The following GALNT13 variants were observed in gnomAD, a reference collection of about 807,000 sequenced individuals.
GALNT13 encodes the protein polypeptide N-acetylgalactosaminyltransferase 13, also known as UDP-GalNAc:polypeptide N-acetylgalactosaminyltransferase 13.
In GALNT13, 28 loss-of-function variants were observed where a neutral mutation model predicts 64.2. The observed-to-expected ratio is 0.44, with a 90% CI of 0.32 to 0.60. The LOEUF (loss-of-function observed/expected upper bound fraction) is 0.60. Among genes scored for constraint, GALNT13 ranks in the 20% least tolerant of loss-of-function variants. GALNT13 has a pLI of 0.05. For missense variants in GALNT13, 577 were observed against 669.8 expected, an observed-to-expected ratio of 0.86 and a Z score of 1.53; for synonymous variants, 214 against 224.6, an observed-to-expected ratio of 0.95 and a Z score of 0.42.
chr2:153,356,059 C>G, the GALNT13 span, among the ~76,000 whole-genome samples: 4 of 152,068 alleles, frequency 2.6e-5, no homozygotes, highest in Admixed American at 6.6e-5. Context: ...CAAATTAATT[C>G]ATGTTTGTTG....
intron 4 of GALNT13, among the ~76,000 whole-genome samples, chr2:154,152,885 T>C (rs945455994): frequency 6.6e-6 from 1 of 152,208 alleles, no homozygotes; most frequent in Non-Finnish European, 1.5e-5. Flanking sequence ...AATTTCCTCC[T>C]GTAGGTTGGA....
intron 3 of GALNT13, among the ~76,000 whole-genome samples, chr2:154,044,974 A>T (rs1574402375): frequency 6.6e-6 from 1 of 152,056 alleles, no homozygotes; most frequent in Non-Finnish European, 1.5e-5. Context: ...GCCTAGGAGG[A>T]TGAGGTGTGT....
intron 3 of GALNT13, among the ~76,000 whole-genome samples, chr2:154,026,191 C>A (rs139703103): frequency 6.6e-6 from 1 of 152,082 alleles, no homozygotes; most frequent in African/African-American, 2.4e-5. Context: ...GAAATGAGAT[C>A]TAATATTACA....
intron 3 of GALNT13, among the ~76,000 whole-genome samples, chr2:154,057,116 G>A (rs1256456613): frequency 1.3e-5 from 2 of 151,934 alleles, no homozygotes; most frequent in African/African-American, 4.8e-5. Flanking sequence ...TGCAACTTCC[G>A]TCTCCTGGGT....
the GALNT13 span, among the ~76,000 whole-genome samples, chr2:153,776,897 C>T: frequency 6.6e-6 from 1 of 152,136 alleles, no homozygotes; most frequent in African/African-American, 2.4e-5. Flanking sequence ...TGCTTTTAGC[C>T]TGTCAACATG....
At chr2:153,429,227 T>G in the GALNT13 span, among the ~76,000 whole-genome samples, 1 of 152,274 alleles carries the variant, frequency 6.6e-6, no homozygotes, top group Admixed American at 6.5e-5. Flanking sequence ...TGAAGAAGAC[T>G]CAGTCAAAAT....
intron 3 of GALNT13, among the ~76,000 whole-genome samples, chr2:154,033,774 C>T (rs2105311830): frequency 6.6e-6 from 1 of 152,132 alleles, no homozygotes; most frequent in East Asian, 1.9e-4. Context: ...CCCATCTCTA[C>T]TAAAAATACA....
the GALNT13 span, among the ~76,000 whole-genome samples, chr2:153,413,604 C>T: frequency 1.3e-5 from 2 of 152,040 alleles, no homozygotes; most frequent in African/African-American, 2.4e-5. Context: ...ATATAACTGC[C>T]GTTGTTCTAT....
intron 9 of GALNT13, among the ~76,000 whole-genome samples, chr2:154,392,090 G>C (rs1698821514): frequency 6.6e-6 from 1 of 152,154 alleles, no homozygotes; most frequent in East Asian, 1.9e-4. Context: ...GATGTTTGAA[G>C]AAATGTAAAG....
chr2:154,045,504 T>C (rs952519185), intron 3 of GALNT13, among the ~76,000 whole-genome samples: 15 of 152,208 alleles, frequency 9.9e-5, no homozygotes, highest in Non-Finnish European at 4.4e-5. Context: ...TACTCCTTTG[T>C]GACCCTTGCT....
At chr2:154,222,823 G>A (rs1040272249) in intron 4 of GALNT13, among the ~76,000 whole-genome samples, 7 of 152,168 alleles carry the variant, frequency 4.6e-5, no homozygotes, top group Admixed American at 4.6e-4. Context: ...CGAAAGAGAA[G>A]CATCATTGAA....
At chr2:153,778,363 T>C in the GALNT13 span, among the ~76,000 whole-genome samples, 1 of 152,206 alleles carries the variant, frequency 6.6e-6, no homozygotes, top group African/African-American at 2.4e-5. Flanking sequence ...CCTAGGTTTG[T>C]AGGCACAGGC....
At chr2:153,182,782 G>A in the GALNT13 span, among the ~76,000 whole-genome samples, 3 of 152,156 alleles carry the variant, frequency 2.0e-5, no homozygotes, top group African/African-American at 7.2e-5. Context: ...TCCCTGCAAA[G>A]AACATGATCT....
At chr2:153,828,966 A>C in the GALNT13 span, among the ~76,000 whole-genome samples, 1 of 152,188 alleles carries the variant, frequency 6.6e-6, no homozygotes, top group Non-Finnish European at 1.5e-5. Context: ...CCAAAATGCC[A>C]CCAGTCTCTT....
the GALNT13 span, among the ~76,000 whole-genome samples, chr2:153,836,344 C>A: frequency 6.6e-6 from 1 of 151,984 alleles, no homozygotes; most frequent in Admixed American, 6.6e-5. Context: ...GCGGTTAGAA[C>A]ACTTAAAATC....
At chr2:153,583,538 A>G in the GALNT13 span, among the ~76,000 whole-genome samples, 4 of 152,206 alleles carry the variant, frequency 2.6e-5, no homozygotes, top group African/African-American at 9.6e-5. Flanking sequence ...TGAATTCCCA[A>G]TATGGGAGAG....
chr2:153,232,246 G>A, the GALNT13 span, among the ~76,000 whole-genome samples: 1 of 152,122 alleles, frequency 6.6e-6, no homozygotes, highest in Admixed American at 6.6e-5. Flanking sequence ...TGGGTTGCAA[G>A]GTCAGGAAAC....
At chr2:154,291,265 A>G (rs1001113838) in intron 8 of GALNT13, among the ~76,000 whole-genome samples, 7 of 152,076 alleles carry the variant, frequency 4.6e-5, no homozygotes, top group African/African-American at 1.4e-4. Flanking sequence ...TACTTTAGCT[A>G]GACACAAAAT....
At chr2:153,102,281 C>T in the GALNT13 span, among the ~76,000 whole-genome samples, 3 of 145,372 alleles carry the variant, frequency 2.1e-5, no homozygotes, top group Admixed American at 2.1e-4. Context: ...GTATCTAACC[C>T]AGAAAAATCA....
Sources: allele counts gnomAD v4.1 joint callset (sites outside exome capture counted in the v4.1 genomes callset), GRCh38; gene constraint gnomAD v4.1.1; transcripts MANE v1.5; gene names NCBI Gene and HGNC (gene_info 2026-07-23, HGNC 2026-07-21).